ULK4: variants seen among roughly 807,000 people sequenced by gnomAD.
ULK4 encodes unc-51 like kinase 4.
ULK4 carries 133 observed loss-of-function variants against 160.6 expected under a neutral mutation model. The observed-to-expected ratio is 0.83, with a 90% CI of 0.72 to 0.96. ULK4 has a LOEUF of 0.96. ULK4 is among the 40% of genes least tolerant of loss of function. The pLI is 0.00. For synonymous variants in ULK4, 534 were observed against 539.8 expected (o/e 0.99, Z 0.15); for missense variants, 1,580 against 1,499.5 (o/e 1.05, Z -0.89).
At chr3:41,565,748 A>T (rs1388314370) in intron 32 of ULK4, among the ~76,000 whole-genome samples, 1 of 152,216 alleles carries the variant, frequency 6.6e-6, no homozygotes, top group Non-Finnish European at 1.5e-5. Flanking sequence ...CAGAAAACAG[A>T]TGAAGACAGA....
Position 41,341,068 on chromosome 3 carries a change from T to G in ULK4, c.3678+57011A>C, listed in dbSNP as rs988470418. ...TCAAATATCCAAATGGAAGTCCAGCTGTGTGCCATCTCACGGCTGGGAGCA... is the reference window on the plus strand; with the variant it reads ...TCAAATATCCAAATGGAAGTCCAGCGGTGTGCCATCTCACGGCTGGGAGCA... On this transcript the variant is annotated intron_variant, in intron 35 of 36. Transcript: ENST00000301831. Among the ~76,000 whole-genome samples, 7 of 152,224 alleles carry G rather than the reference T, an allele frequency of 4.6e-5. No individual in the cohort carries two copies. In the East Asian group the frequency reaches 1.3e-3, roughly 29 times the overall value.
At position 41,845,899 on chromosome 3, in the gene ULK4, C is replaced by T. The variant is rs563834371; in HGVS notation, c.1657-9928G>A. 3.3e-5 allele frequency among the ~76,000 whole-genome samples: 5 copies of T among 152,306 alleles called. No homozygotes were observed. The East Asian group carries it at 9.6e-4, about 29-fold the overall frequency. On this transcript the variant is annotated intron_variant, in intron 17 of 36. Transcript: ENST00000301831. Reference sequence around the variant, plus strand: ...CTCATATTAAATTCAAAACCCAGATCTGGCTTTCTGCTTCACAAAGTTAGT... The same window carrying T: ...CTCATATTAAATTCAAAACCCAGATTTGGCTTTCTGCTTCACAAAGTTAGT...
chr3:41,716,466 A>T (rs947970423), intron 23 of ULK4, among the ~76,000 whole-genome samples: 6 of 152,162 alleles, frequency 3.9e-5, no homozygotes, highest in African/African-American at 1.4e-4. Context: ...ACCAAATTAT[A>T]GCCTTCAGGT....
intron 25 of ULK4, 143 bp downstream of exon 25, chr3:41,715,094 A>G: frequency 1.3e-6 from 1 of 787,164 alleles, no homozygotes; most frequent in Non-Finnish European, 2.0e-6. Context: ...CAGTCAACAG[A>G]TAAAAATATT....
intron 35 of ULK4, among the ~76,000 whole-genome samples, chr3:41,338,319 C>G (rs1033579055): frequency 6.6e-6 from 1 of 152,154 alleles, no homozygotes; most frequent in Non-Finnish European, 1.5e-5. Context: ...TGTAATTGAG[C>G]CCTCAACATT....
In ULK4 at chr3:41,715,430, C is replaced by A. The variant is rs1320271728; in HGVS notation, c.2577+17G>T. On this transcript the variant is annotated intron_variant, in intron 24 of 36. Coordinates refer to ENST00000301831, the MANE Select transcript of ULK4 (RefSeq NM_017886.4). The stretch of plus-strand genomic sequence containing the variant: ...AGAGGCAAATTTATATCCTTTTCCT[C>A]CTCAATACAATAGTACCTGTGAAGT... 6.2e-7 allele frequency: 1 copy of A among 1,614,054 alleles called. No homozygotes were observed. The highest frequency in any genetic ancestry group is 8.5e-7 in the Non-Finnish European group (1 of 1,180,014).
chr3:41,907,577 T>TTG (rs1016728383), intron 12 of ULK4, among the ~76,000 whole-genome samples: 1 of 152,046 alleles, frequency 6.6e-6, no homozygotes, highest in Non-Finnish European at 1.5e-5. Context: ...AGAATTACAA[T>TTG]TCACATCCAG....
chr3:41,498,335 T>A (rs996551211), intron 32 of ULK4, among the ~76,000 whole-genome samples: 2 of 152,138 alleles, frequency 1.3e-5, no homozygotes, highest in Non-Finnish European at 2.9e-5. Context: ...CAAGGGAAAT[T>A]AGAAAACATT....
At chr3:41,629,776 G>C (rs568482157) in intron 30 of ULK4, among the ~76,000 whole-genome samples, 4 of 152,100 alleles carry the variant, frequency 2.6e-5, no homozygotes, top group South Asian at 4.1e-4. Flanking sequence ...GATCACTTGA[G>C]CACCAAGAGT....
intron 22 of ULK4, among the ~76,000 whole-genome samples, chr3:41,751,020 GGGAAGGAGGGA>G (rs2038608466): frequency 7.0e-6 from 1 of 142,064 alleles, no homozygotes; most frequent in Non-Finnish European, 1.5e-5. Context: ...GAAGGAGGGT[GGGAAGGAGGGA>G]GGGAAGGAGG....
chr3:41,869,815 T>C (rs1047278383), intron 17 of ULK4, among the ~76,000 whole-genome samples: 6 of 152,230 alleles, frequency 3.9e-5, no homozygotes, highest in African/African-American at 1.4e-4. Flanking sequence ...TATAGTACTC[T>C]TCAATTATTC....
chr3:41,474,145 C>T (rs956408831), intron 32 of ULK4, among the ~76,000 whole-genome samples: 3 of 152,102 alleles, frequency 2.0e-5, no homozygotes, highest in Non-Finnish European at 4.4e-5. Flanking sequence ...AAGCATGGTA[C>T]TGGCATAAAA....
At chr3:41,728,442 G>C (rs2037721824) in intron 22 of ULK4, among the ~76,000 whole-genome samples, 1 of 152,066 alleles carries the variant, frequency 6.6e-6, no homozygotes, top group Non-Finnish European at 1.5e-5. Context: ...ACCAGCTCTG[G>C]TGAGAACTAA....
chr3:41,629,810 G>A (rs947564560), intron 30 of ULK4, among the ~76,000 whole-genome samples: 1 of 149,310 alleles, frequency 6.7e-6, no homozygotes, highest in African/African-American at 2.5e-5. Flanking sequence ...GGGCAACATG[G>A]AGAAAGCTGG....
At chr3:41,641,080 C>A (rs1325097975) in intron 30 of ULK4, among the ~76,000 whole-genome samples, 2 of 152,110 alleles carry the variant, frequency 1.3e-5, no homozygotes, top group East Asian at 3.9e-4. Context: ...TGACCCGGAC[C>A]CCAGCCTGAG....
chr3:41,594,080 AG>A (rs1479743739), intron 31 of ULK4, among the ~76,000 whole-genome samples: 1 of 152,042 alleles, frequency 6.6e-6, no homozygotes, highest in Non-Finnish European at 1.5e-5. Context: ...GGAAAGGGAA[AG>A]GAAGGCAGGT....
chr3:41,787,267 C>T (rs1190753964), intron 21 of ULK4, among the ~76,000 whole-genome samples: 1 of 152,144 alleles, frequency 6.6e-6, no homozygotes. Flanking sequence ...ACAGAAAGTC[C>T]TCCACCATGC....
At chr3:41,306,269 G>A (rs1184602761) in intron 35 of ULK4, among the ~76,000 whole-genome samples, 1 of 107,234 alleles carries the variant, frequency 9.3e-6, no homozygotes, top group Non-Finnish European at 1.8e-5. Flanking sequence ...GGAGGTGAGG[G>A]GCGCCTCTGC....
chr3:41,446,232 G>T (rs1435498622), intron 34 of ULK4, among the ~76,000 whole-genome samples: 96 of 152,304 alleles, frequency 6.3e-4, no homozygotes, highest in African/African-American at 2.3e-3. Flanking sequence ...AACAACAGGT[G>T]CCGAAGAGGA....
Sources: allele counts gnomAD v4.1 joint callset (sites outside exome capture counted in the v4.1 genomes callset), GRCh38; gene constraint gnomAD v4.1.1; transcripts MANE v1.5; gene names NCBI Gene and HGNC (gene_info 2026-07-23, HGNC 2026-07-21).